The following LDLRAD4 variants were observed in gnomAD, a reference collection of about 807,000 sequenced individuals.
The protein encoded by LDLRAD4 is low density lipoprotein receptor class A domain containing 4.
A neutral mutation model predicts 17.0 loss-of-function variants in LDLRAD4; 5 were observed. The ratio of observed to expected loss-of-function variants is 0.29; its 90% CI spans 0.15 to 0.62. LDLRAD4 has a LOEUF of 0.62. Ranked by LOEUF, LDLRAD4 falls within the 20% of genes least tolerant of loss-of-function variation. The pLI is 0.84. For synonymous variants in LDLRAD4, 168 were observed against 171.8 expected, an observed-to-expected ratio of 0.98 and a Z score of 0.17; for missense variants, 340 against 424.7, an observed-to-expected ratio of 0.80 and a Z score of 1.75.
intron 1 of LDLRAD4, among the ~76,000 whole-genome samples, chr18:13,295,275 A>G (rs1376385632): frequency 1.3e-5 from 2 of 152,188 alleles, no homozygotes; most frequent in African/African-American, 4.8e-5. Context: ...ACATGCTCAC[A>G]TCCTGGAAAG....
intron 2 of LDLRAD4, among the ~76,000 whole-genome samples, chr18:13,397,274 G>A (rs1362468063): frequency 6.6e-6 from 1 of 152,094 alleles, no homozygotes; most frequent in Non-Finnish European, 1.5e-5. Flanking sequence ...CTCCCAAGTA[G>A]CTGGGACTAC....
intron 3 of LDLRAD4, among the ~76,000 whole-genome samples, chr18:13,549,130 G>T (rs891239740): frequency 6.6e-6 from 1 of 152,160 alleles, no homozygotes; most frequent in African/African-American, 2.4e-5. Flanking sequence ...GGGGTGGGCT[G>T]GTTGAGATGG....
At chr18:13,574,300 G>A (rs780133681) in intron 3 of LDLRAD4, among the ~76,000 whole-genome samples, 2 of 152,202 alleles carry the variant, frequency 1.3e-5, no homozygotes, top group African/African-American at 2.4e-5. Context: ...TACAGCTCCT[G>A]AGGAAGCCGG....
chr18:13,298,083 G>A (rs1021047391), intron 1 of LDLRAD4, among the ~76,000 whole-genome samples: 1 of 152,244 alleles, frequency 6.6e-6, no homozygotes, highest in African/African-American at 2.4e-5. Flanking sequence ...GGGTAAGCCA[G>A]ATGATTACTG....
chr18:13,563,629 G>A (rs918574072), intron 3 of LDLRAD4, among the ~76,000 whole-genome samples: 5 of 152,192 alleles, frequency 3.3e-5, no homozygotes, highest in Non-Finnish European at 4.4e-5. Context: ...CAATGGTCAC[G>A]ACATTAATGC....
In LDLRAD4 at chr18:13,514,251, T is replaced by TA. The variant is rs555602098; in HGVS notation, c.181+75870dup. ...TCTGTGAACTGTGACCTTGGAAGAG[T>TA]AAACCGTTTCTTTAAACCTCAGTTT... On this transcript the variant is annotated intron_variant, in intron 3 of 5. Coordinates refer to ENST00000359446, the Ensembl canonical transcript of LDLRAD4. 1.6e-4 allele frequency among the ~76,000 whole-genome samples: 24 copies of TA among 152,254 alleles called. No individual in the cohort carries two copies. The East Asian group carries it at 4.6e-3, about 29-fold the overall frequency.
chr18:13,491,442 G>C (rs75498636), intron 3 of LDLRAD4: 1 of 152,172 alleles, frequency 6.6e-6, no homozygotes, highest in African/African-American at 2.4e-5. Flanking sequence ...TTGGAAAGAC[G>C]CCCTAAGATA....
At chr18:13,498,139 A>G (rs2093513935) in intron 3 of LDLRAD4, among the ~76,000 whole-genome samples, 1 of 150,628 alleles carries the variant, frequency 6.6e-6, no homozygotes, top group Admixed American at 6.6e-5. Context: ...TGGACACTGG[A>G]GAATCCTTCT....
chr18:13,471,791 T>C lies in LDLRAD4; in HGVS notation c.181+33407T>C, dbSNP rs199584201. 5.3e-5 allele frequency: 8 copies of C among 152,360 alleles called. No individual in the cohort carries two copies. In the East Asian group the frequency reaches 1.5e-3, roughly 29 times the overall value. The allele number at this position is 152,360 out of a possible 1,614,324, so 9.4% of individuals were successfully genotyped here. On this transcript the variant is annotated intron_variant, in intron 3 of 5. Transcript: ENST00000359446. ...GCCAAATTCTCCTGTTTCATAAGAA[T>C]TGCTCACCGGTGAGACTCCATTTTT...
intron 3 of LDLRAD4, among the ~76,000 whole-genome samples, chr18:13,493,063 G>A (rs939378298): frequency 2.0e-4 from 31 of 152,104 alleles, no homozygotes; most frequent in African/African-American, 6.5e-4. Context: ...AGGCTGCAGC[G>A]AGCTGTGATT....
chr18:13,235,764 G>A (rs1011736152), intron 1 of LDLRAD4, among the ~76,000 whole-genome samples: 1 of 152,176 alleles, frequency 6.6e-6, no homozygotes, highest in Admixed American at 6.5e-5. Flanking sequence ...CTGCCCCTGG[G>A]GGAAGTGCAC....
In LDLRAD4 at chr18:13,503,020, C is replaced by CA. The variant is rs1237993166; in HGVS notation, c.181+64637dup. Among the ~76,000 whole-genome samples the CA allele has an allele frequency of 3.9e-5, 6 of 152,328 alleles. No homozygotes were observed. In the East Asian group the frequency reaches 1.2e-3, roughly 29 times the overall value. On this transcript the variant is annotated intron_variant, in intron 3 of 5. Transcript: ENST00000359446. Reference sequence around the variant, plus strand: ...AGTCAGGTATATGTGCTTGTATTAACATGAACCTGAGAGGCTGATGGTATT... The same window carrying CA: ...AGTCAGGTATATGTGCTTGTATTAACAATGAACCTGAGAGGCTGATGGTATT...
intron 1 of LDLRAD4, among the ~76,000 whole-genome samples, chr18:13,328,410 G>A (rs553762440): frequency 1.3e-5 from 2 of 152,324 alleles, no homozygotes; most frequent in South Asian, 2.1e-4. Flanking sequence ...GCCCCATTCA[G>A]CATAAATCCC....
chr18:13,496,672 G>T (rs369111428), intron 3 of LDLRAD4, among the ~76,000 whole-genome samples: 14 of 152,286 alleles, frequency 9.2e-5, no homozygotes, highest in East Asian at 7.7e-4. Context: ...TCTGACTCTT[G>T]GTTCTGGTAT....
At chr18:13,444,679 C>T (rs752056128) in intron 3 of LDLRAD4, among the ~76,000 whole-genome samples, 5 of 152,226 alleles carry the variant, frequency 3.3e-5, no homozygotes, top group Non-Finnish European at 7.3e-5. Flanking sequence ...ATGAGCATGG[C>T]TGCCAGGTGA....
intron 4 of LDLRAD4, among the ~76,000 whole-genome samples, chr18:13,626,386 T>C (rs1461583222): frequency 6.6e-6 from 1 of 152,174 alleles, no homozygotes; most frequent in Non-Finnish European, 1.5e-5. Flanking sequence ...GGAGCCCAGG[T>C]GACCTTTTCT....
In LDLRAD4 at chr18:13,259,746, A is replaced by G. The variant is rs115724044; in HGVS notation, c.-466-18359A>G. ...CACAAACTCAAGGGGCATCACTTAC[A>G]TGGGATAATTTGCCTTTACAGCCAC... On this transcript the variant is annotated intron_variant, in intron 1 of 5. Coordinates refer to the LDLRAD4 transcript ENST00000399848. Among the ~76,000 whole-genome samples the G allele has an allele frequency of 4.3e-3, 626 of 146,404 alleles. 3 individuals are homozygous for G. The highest frequency in any genetic ancestry group is 0.015 in the African/African-American group (596 of 39,294).
At chr18:13,380,981 T>C (rs2085315411) in intron 1 of LDLRAD4, among the ~76,000 whole-genome samples, 1 of 152,184 alleles carries the variant, frequency 6.6e-6, no homozygotes, top group East Asian at 1.9e-4. Context: ...TCCCTGGCTA[T>C]AGGCAGCCTG....
At chr18:13,464,438 CG>C (rs1416166631) in intron 3 of LDLRAD4, among the ~76,000 whole-genome samples, 11 of 152,112 alleles carry the variant, frequency 7.2e-5, no homozygotes, top group Non-Finnish European at 1.6e-4. Flanking sequence ...GTACCTTTAT[CG>C]GAGCTTATGT....
Sources: gnomAD v4.1 joint callset for allele counts (sites outside exome capture counted in the v4.1 genomes callset) on GRCh38, gnomAD v4.1.1 for gene constraint, MANE v1.5 for transcripts, NCBI Gene and HGNC (gene_info 2026-07-23, HGNC 2026-07-21) for gene names.